Variants in TANGO2 observed in about 807,000 individuals in gnomAD.
TANGO2 encodes the protein transport and Golgi organization protein 2 homolog.
TANGO2 carries 26 observed loss-of-function variants against 39.1 expected under a neutral mutation model. The ratio of observed to expected loss-of-function variants is 0.67; its 90% CI spans 0.49 to 0.92. The LOEUF (loss-of-function observed/expected upper bound fraction) is 0.92. TANGO2 is among the 40% of genes least tolerant of loss of function. The pLI is 0.00. For missense variants in TANGO2, 326 were observed against 360.1 expected (o/e 0.91, Z 0.77); for synonymous variants, 131 against 144.5 (o/e 0.91, Z 0.67).
rs755836901 is a variant in TANGO2, at chr22:20,036,867, C to T, written c.56+13C>T. On this transcript the variant is annotated intron_variant, in intron 2 of 8. Transcript: ENST00000327374. ...AAAACGCGTACAGGTAACCCCCTCGCTCTGCATCTGCTGCGCCCTGCAGGG... is the reference window on the plus strand; with the variant it reads ...AAAACGCGTACAGGTAACCCCCTCGTTCTGCATCTGCTGCGCCCTGCAGGG... 9.3e-6 allele frequency: 15 copies of T among 1,614,134 alleles called. No individual in the cohort carries two copies. The highest frequency in any genetic ancestry group is 1.3e-5 in the African/African-American group (1 of 74,938).
chr22:20,048,781 G>T lies in TANGO2; in HGVS notation c.146-3684G>T, dbSNP rs2045746222. ...TCTGCCTCAGCCTCCTGAGTAGCTG[G>T]GACTACAAGCATGCACCACCATGCC... On this transcript the variant is annotated intron_variant, in intron 3 of 8. Transcript: ENST00000327374. 2.6e-5 allele frequency among the ~76,000 whole-genome samples: 4 copies of T among 152,084 alleles called. No homozygotes were observed. The South Asian group carries it at 6.2e-4, about 24-fold the overall frequency.
chr22:20,050,357 GGTTTTTTTTTTTT>G lies in TANGO2; in HGVS notation c.146-2107_146-2095del, dbSNP rs1212994365. 5.4e-3 allele frequency among the ~76,000 whole-genome samples: 376 copies of G among 69,216 alleles called. 7 individuals are homozygous for G. Among genetic ancestry groups the G allele is most frequent in the African/African-American group, 0.019 (354 of 18,656 alleles). The allele number at this position is 69,216 out of a possible 152,430, so 45.4% of individuals were successfully genotyped here. A position where few individuals can be genotyped will look rare whatever the true frequency, so the allele number is the denominator to read the frequency against. On this transcript the variant is annotated intron_variant, in intron 3 of 8. Transcript: ENST00000327374. ...ATTTTTCATTAAATATTTTCCTGGT[GGTTTTTTTTTTTT>G]TTTTTTTTTTTGAGACGGAGTCTTG...
At chr22:20,037,096 T>C in intron 2 of TANGO2, 2 of 1,526,060 alleles carry the variant, frequency 1.3e-6, no homozygotes, top group East Asian at 2.3e-5. Context: ...CAGCCACAGG[T>C]AGGACAGAGG....
upstream of TANGO2, among the ~76,000 whole-genome samples, chr22:20,017,611 G>A (rs1387969805): frequency 6.6e-6 from 1 of 152,166 alleles, no homozygotes; most frequent in East Asian, 1.9e-4. Flanking sequence ...CTGCGTCTGG[G>A]GAGGCAGAGT....
intron 7 of TANGO2, 57 bp downstream of exon 7, chr22:20,061,740 G>T (rs918536715): frequency 3.7e-5 from 55 of 1,488,638 alleles, no homozygotes; most frequent in East Asian, 1.8e-4. Flanking sequence ...AGGGCAGAGG[G>T]AAAGGCAGGC....
intron 1 of TANGO2, among the ~76,000 whole-genome samples, chr22:20,023,536 G>C (rs1002306919): frequency 6.6e-6 from 1 of 152,194 alleles, no homozygotes; most frequent in Non-Finnish European, 1.5e-5. Context: ...GTGAAGATCT[G>C]AGGAGAGAGT....
intron 1 of TANGO2, among the ~76,000 whole-genome samples, chr22:20,031,124 G>T (rs909961423): frequency 1.3e-5 from 2 of 152,106 alleles, no homozygotes; most frequent in Admixed American, 6.5e-5. Context: ...CTTGAACCAG[G>T]GAGGAGGAGG....
At chr22:20,029,111 C>T (rs949764353) in intron 1 of TANGO2, among the ~76,000 whole-genome samples, 6 of 152,170 alleles carry the variant, frequency 3.9e-5, no homozygotes, top group African/African-American at 1.2e-4. Context: ...TTTTAGACAC[C>T]GCATGGAGTG....
At chr22:20,028,700 G>A (rs1305992801) in intron 1 of TANGO2, among the ~76,000 whole-genome samples, 1 of 152,252 alleles carries the variant, frequency 6.6e-6, no homozygotes. Flanking sequence ...CCTGATGCCT[G>A]TTGGCCTCCT....
At chr22:20,061,995 G>A (rs2048476788) in intron 7 of TANGO2, among the ~76,000 whole-genome samples, 1 of 152,340 alleles carries the variant, frequency 6.6e-6, no homozygotes, top group Non-Finnish European at 1.5e-5. Context: ...TGCATGCCGA[G>A]AGCTTGTGGG....
intron 2 of TANGO2, among the ~76,000 whole-genome samples, chr22:20,041,184 T>C (rs1256195767): frequency 6.6e-6 from 1 of 152,224 alleles, no homozygotes; most frequent in African/African-American, 2.4e-5. Flanking sequence ...TTTCGTTCTG[T>C]CGCCCAGGCT....
At chr22:20,020,188 T>C (rs562418608), upstream of TANGO2, among the ~76,000 whole-genome samples, 56 of 152,348 alleles carry the variant, frequency 3.7e-4, 3 homozygotes, top group South Asian at 0.011. Flanking sequence ...TAAAGTGGGA[T>C]GAAAGAACTG....
At chr22:20,056,929 C>A in intron 6 of TANGO2, 1 of 456,476 alleles carries the variant, frequency 2.2e-6, no homozygotes, top group East Asian at 6.9e-5. Context: ...ACAGGGTGTT[C>A]CGGCGCCTGG....
chr22:20,036,204 G>A (rs997303121), intron 1 of TANGO2, among the ~76,000 whole-genome samples: 4 of 152,112 alleles, frequency 2.6e-5, no homozygotes, highest in Non-Finnish European at 5.9e-5. Context: ...CAATTAATAG[G>A]CGACGTCCGG....
intron 3 of TANGO2, among the ~76,000 whole-genome samples, chr22:20,046,514 G>A (rs1250185709): frequency 6.8e-6 from 1 of 147,958 alleles, no homozygotes; most frequent in Non-Finnish European, 1.5e-5. Context: ...GCTTAGGCTG[G>A]AGTGCAATGG....
At chr22:20,017,932 A>C (rs539519434), upstream of TANGO2, among the ~76,000 whole-genome samples, 1 of 152,264 alleles carries the variant, frequency 6.6e-6, no homozygotes, top group African/African-American at 2.4e-5. Flanking sequence ...CCTGGAGATG[A>C]CCAGTTCCTC....
At chr22:20,061,467 T>A in intron 6 of TANGO2, 63 bp from the exon 7 acceptor site, 1 of 1,515,838 alleles carries the variant, frequency 6.6e-7, no homozygotes, top group Non-Finnish European at 8.9e-7. Context: ...GGGTGGCAGG[T>A]GGCAATTTGC....
intron 2 of TANGO2, chr22:20,037,181 G>C: frequency 1.4e-6 from 2 of 1,415,262 alleles, no homozygotes; most frequent in Non-Finnish European, 1.9e-6. Flanking sequence ...GGACAACGGC[G>C]TCAGTGAGTG....
intron 1 of TANGO2, among the ~76,000 whole-genome samples, chr22:20,027,919 C>T (rs566900598): frequency 5.1e-4 from 77 of 152,230 alleles, no homozygotes; most frequent in African/African-American, 1.8e-3. Context: ...CTGCCTCAGC[C>T]TCCTGAGTAG....
Sources: allele counts gnomAD v4.1 joint callset (sites outside exome capture counted in the v4.1 genomes callset), GRCh38; gene constraint gnomAD v4.1.1; transcripts MANE v1.5; gene names NCBI Gene and HGNC (gene_info 2026-07-23, HGNC 2026-07-21).